The following TMEM260 variants were observed in gnomAD, a reference collection of about 807,000 sequenced individuals.
TMEM260 encodes transmembrane protein 260, also known as protein O-mannosyl-transferase TMEM260.
Under a neutral mutation model 88.9 loss-of-function variants are expected in TMEM260, and 82 were observed. That is an observed-to-expected ratio of 0.92 (90% confidence interval 0.77 to 1.11). The LOEUF (loss-of-function observed/expected upper bound fraction) is 1.11, where lower values mean the gene tolerates loss of function less well. TMEM260 is among the 50% of genes least tolerant of loss of function. The pLI is 0.00. For missense variants in TMEM260, 902 were observed against 853.4 expected (o/e 1.06, Z -0.71); for synonymous variants, 314 against 309.3 (o/e 1.02, Z -0.16).
At chr14:56,628,930 C>G (rs936376005) in intron 12 of TMEM260, among the ~76,000 whole-genome samples, 11 of 149,900 alleles carry the variant, frequency 7.3e-5, no homozygotes, top group Admixed American at 1.3e-4. Context: ...GAGTCTCACT[C>G]TGTCACCCAG....
intron 12 of TMEM260, 41 bp downstream of exon 12, chr14:56,625,571 A>G (rs192086492): frequency 6.6e-6 from 10 of 1,522,908 alleles, no homozygotes; most frequent in African/African-American, 1.4e-5. Context: ...TAAAATCTTA[A>G]GCTTTTCTAA....
In TMEM260 at chr14:56,609,248, C is replaced by T; in HGVS notation, c.779C>T (p.Thr260Ile). 1 of 1,614,092 alleles carries T rather than the reference C, an allele frequency of 6.2e-7. No homozygotes were observed. Among genetic ancestry groups the T allele is most frequent in the Non-Finnish European group, 8.5e-7 (1 of 1,180,008 alleles). The change falls in exon 6 of 16, where the codon ACA becomes ATA. Residue 260 changes from threonine to isoleucine, a missense_variant. By Grantham distance (89) the Thr-to-Ile change is moderately conservative (BLOSUM62 -1). Transcript: ENST00000261556. ...GDQTTLQGFL[T>I]HFLREEYGTF... ...CAGACAACACTGCAAGGATTTTTGA[C>T]ACATTTTCTCAGGGAAGAATATGGA...
At chr14:56,584,853 CTA>C in intron 1 of TMEM260, 146 bp from the exon 2 acceptor site, 1 of 607,856 alleles carries the variant, frequency 1.6e-6, no homozygotes, top group African/African-American at 1.9e-5. Context: ...TATTCTTAGA[CTA>C]TTTCATGCTG....
chr14:56,622,896 G>A (rs1488583536), intron 11 of TMEM260, among the ~76,000 whole-genome samples: 1 of 152,126 alleles, frequency 6.6e-6, no homozygotes, highest in African/African-American at 2.4e-5. Flanking sequence ...CATGGATGCC[G>A]ATTGATTAAT....
intron 9 of TMEM260, 104 bp from the exon 10 acceptor site, chr14:56,618,490 C>G (rs1887717760): frequency 9.8e-7 from 1 of 1,017,220 alleles, no homozygotes; most frequent in African/African-American, 1.6e-5. Flanking sequence ...TGACAACAGG[C>G]ACACACAACT....
downstream of TMEM260, among the ~76,000 whole-genome samples, chr14:56,652,497 A>AG: frequency 6.6e-6 from 1 of 151,766 alleles, no homozygotes; most frequent in East Asian, 1.9e-4. Flanking sequence ...CTCAAAAAAA[A>AG]AAAAAAAAAA....
rs1343145025 is a variant in TMEM260, at chr14:56,612,621, T to C, written c.857+336T>C. On this transcript the variant is annotated intron_variant, in intron 7 of 15. Coordinates refer to ENST00000261556, the MANE Select transcript of TMEM260 (RefSeq NM_017799.4). ...TATAATGTAAATGCTATGTAAATAG[T>C]TGTTATGCTGTATTGTCTAGGGAAT... is the stretch of plus-strand genomic sequence containing the variant. 3 of 237,604 alleles carry C rather than the reference T, an allele frequency of 1.3e-5. No homozygotes were observed. In the East Asian group the frequency reaches 3.0e-4, roughly 24 times the overall value. The allele number at this position is 237,604 out of a possible 1,614,324, so 14.7% of individuals were successfully genotyped here. A position where few individuals can be genotyped will look rare whatever the true frequency, so the allele number is the denominator to read the frequency against.
intron 15 of TMEM260, among the ~76,000 whole-genome samples, chr14:56,644,997 G>A (rs1241151411): frequency 6.6e-6 from 1 of 151,656 alleles, no homozygotes; most frequent in Non-Finnish European, 1.5e-5. Flanking sequence ...GGAAACAACA[G>A]GTGCTGGAGA....
At chr14:56,606,301 G>A (rs1199066078) in intron 5 of TMEM260, among the ~76,000 whole-genome samples, 1 of 152,074 alleles carries the variant, frequency 6.6e-6, no homozygotes. Flanking sequence ...GTACCCAGAG[G>A]TTAAAATAGT....
At chr14:56,596,505 G>A (rs934571167) in intron 3 of TMEM260, among the ~76,000 whole-genome samples, 2 of 149,330 alleles carry the variant, frequency 1.3e-5, no homozygotes, top group Non-Finnish European at 3.0e-5. Context: ...GGTGGCTCAC[G>A]CCTGTAATCC....
Position 56,605,606 on chromosome 14 carries a change from T to G in TMEM260, c.559T>G (p.Leu187Val), listed in dbSNP as rs200631835. ...KIGAFCCGLS[L>V]CNQHTIILYV... is the part of the protein sequence containing the mutation. ...TGGTGCTTTCTGCTGTGGCCTTAGT[T>G]TATGTAACCAGCACACAATAATACT... Residue 187 changes from leucine to valine, a missense_variant, in exon 5 of 16, where the codon TTA becomes GTA. Leu to Val is a conservative substitution (Grantham distance 32, BLOSUM62 1). Transcript: ENST00000261556. 1 of 1,581,736 alleles carries G rather than the reference T, an allele frequency of 6.3e-7. No homozygotes were observed. Among genetic ancestry groups the G allele is most frequent in the Admixed American group, 1.8e-5 (1 of 55,492 alleles).
chr14:56,602,279 G>A (rs1243963620), intron 3 of TMEM260, among the ~76,000 whole-genome samples: 6 of 152,084 alleles, frequency 3.9e-5, no homozygotes, highest in Admixed American at 3.3e-4. Context: ...AAAGGAGCAG[G>A]GAGGACTTTA....
At chr14:56,581,386 C>T (rs945551825) in intron 1 of TMEM260, among the ~76,000 whole-genome samples, 1 of 152,166 alleles carries the variant, frequency 6.6e-6, no homozygotes, top group Non-Finnish European at 1.5e-5. Context: ...GGTCCTGTTG[C>T]ACAAGTAGGG....
chr14:56,613,676 A>T (rs1887420015), intron 7 of TMEM260: 1 of 151,870 alleles, frequency 6.6e-6, no homozygotes, highest in Non-Finnish European at 1.5e-5. Context: ...CTCACCATTG[A>T]TTGTAAATAT....
At chr14:56,658,857 A>C in the TMEM260 span, among the ~76,000 whole-genome samples, 2,532 of 152,142 alleles carry the variant, frequency 0.017, 62 homozygotes, top group African/African-American at 0.057. Flanking sequence ...CAGCCTCCCA[A>C]GTAGCTGGAA....
At chr14:56,632,354 T>G (rs1888674007) in intron 12 of TMEM260, among the ~76,000 whole-genome samples, 2 of 152,132 alleles carry the variant, frequency 1.3e-5, no homozygotes, top group East Asian at 1.9e-4. Context: ...GCACAATGCC[T>G]CTGCTTAGAG....
At chr14:56,630,915 C>T (rs750625990) in intron 12 of TMEM260, among the ~76,000 whole-genome samples, 2 of 152,086 alleles carry the variant, frequency 1.3e-5, no homozygotes, top group Non-Finnish European at 2.9e-5. Flanking sequence ...GGTTCTGTTT[C>T]CAAAGCATTT....
At chr14:56,615,087 C>T (rs901883388) in intron 7 of TMEM260, among the ~76,000 whole-genome samples, 21 of 152,166 alleles carry the variant, frequency 1.4e-4, no homozygotes, top group Non-Finnish European at 1.5e-5. Context: ...AAATGGGCCT[C>T]ATGCTGGAAT....
intron 15 of TMEM260, 138 bp from the exon 16 acceptor site, chr14:56,647,105 C>T: frequency 2.2e-6 from 2 of 915,630 alleles, no homozygotes; most frequent in Non-Finnish European, 3.2e-6. Context: ...CTCTGCATGG[C>T]TTAGCAATGA....
Sources: gnomAD v4.1 joint callset for allele counts (sites outside exome capture counted in the v4.1 genomes callset) on GRCh38, gnomAD v4.1.1 for gene constraint, MANE v1.5 for transcripts, NCBI Gene and HGNC (gene_info 2026-07-23, HGNC 2026-07-21) for gene names.